PAN3: variants seen among roughly 807,000 people sequenced by gnomAD.
PAN3 encodes PAN2-PAN3 deadenylation complex subunit PAN3.
Under a neutral mutation model 96.2 loss-of-function variants are expected in PAN3, and 19 were observed. That is an observed-to-expected ratio of 0.20 (90% CI 0.14 to 0.29). The LOEUF (loss-of-function observed/expected upper bound fraction) is 0.29, where lower values mean the gene tolerates loss of function less well. PAN3 is among the 10% of genes least tolerant of loss of function. The pLI is 1.00. For synonymous variants in PAN3, 433 were observed against 406.6 expected (o/e 1.06, Z -0.78); for missense variants, 882 against 1,108.1 (o/e 0.80, Z 2.90).
chr13:28,170,699 T>C (rs1874191603), intron 1 of PAN3, among the ~76,000 whole-genome samples: 2 of 152,208 alleles, frequency 1.3e-5, no homozygotes, highest in Non-Finnish European at 2.9e-5. Context: ...CCTCTCCCCT[T>C]ATGGATTGCT....
At chr13:28,228,128 A>G (rs1882194029) in intron 6 of PAN3, among the ~76,000 whole-genome samples, 1 of 152,200 alleles carries the variant, frequency 6.6e-6, no homozygotes, top group Non-Finnish European at 1.5e-5. Flanking sequence ...TCAGTGGAGA[A>G]GATAGTATTT....
intron 1 of PAN3, among the ~76,000 whole-genome samples, chr13:28,167,082 A>ATTTTTTTTTTTTTTTTTT (rs1158467405): frequency 1.7e-5 from 2 of 118,332 alleles, no homozygotes; most frequent in Non-Finnish European, 3.6e-5. Context: ...TTTTATCTTA[A>ATTTTTTTTTTTTTTTTTT]TTTTTTTTTT....
intron 1 of PAN3, among the ~76,000 whole-genome samples, chr13:28,145,566 A>G (rs573590038): frequency 7.3e-5 from 11 of 151,302 alleles, no homozygotes; most frequent in East Asian, 4.0e-4. Context: ...ACCTCAAGCA[A>G]TCTGCTCACC....
At chr13:28,159,923 G>GT (rs1566146068) in intron 1 of PAN3, among the ~76,000 whole-genome samples, 64 of 151,610 alleles carry the variant, frequency 4.2e-4, no homozygotes, top group African/African-American at 1.5e-3. Flanking sequence ...TGAAATAAAA[G>GT]GTTTTTTTTT....
At chr13:28,147,657 A>T (rs1870847676) in intron 1 of PAN3, among the ~76,000 whole-genome samples, 2 of 152,224 alleles carry the variant, frequency 1.3e-5, no homozygotes, top group African/African-American at 4.8e-5. Flanking sequence ...ACATAGTATG[A>T]TACCACGAAT....
At chr13:28,156,440 A>C (rs974242531) in intron 1 of PAN3, among the ~76,000 whole-genome samples, 5 of 152,210 alleles carry the variant, frequency 3.3e-5, no homozygotes, top group Non-Finnish European at 7.3e-5. Context: ...GAAAAAGCCC[A>C]GGACCAAATG....
intron 1 of PAN3, among the ~76,000 whole-genome samples, chr13:28,149,070 CT>C (rs1329823918): frequency 3.3e-5 from 5 of 151,556 alleles, no homozygotes; most frequent in Non-Finnish European, 5.9e-5. Flanking sequence ...AAAAAAAACA[CT>C]GTGTGGGGTG....
intron 1 of PAN3, among the ~76,000 whole-genome samples, chr13:28,155,033 G>T (rs1871948099): frequency 6.7e-6 from 1 of 148,466 alleles, no homozygotes; most frequent in South Asian, 2.1e-4. Context: ...TTTCACCGTG[G>T]TCTCGATCTC....
chr13:28,212,488 A>G (rs1880165424), intron 5 of PAN3, among the ~76,000 whole-genome samples: 2 of 152,220 alleles, frequency 1.3e-5, no homozygotes, highest in African/African-American at 4.8e-5. Flanking sequence ...GGAGGAGGAA[A>G]GTAAGACCCA....
chr13:28,253,071 A>G (rs1267042437), intron 6 of PAN3, among the ~76,000 whole-genome samples: 2 of 152,216 alleles, frequency 1.3e-5, no homozygotes, highest in Non-Finnish European at 2.9e-5. Flanking sequence ...TCATTATTAA[A>G]AGAAGACCTT....
At chr13:28,235,260 G>T (rs2138462999) in intron 6 of PAN3, among the ~76,000 whole-genome samples, 1 of 152,244 alleles carries the variant, frequency 6.6e-6, no homozygotes, top group East Asian at 1.9e-4. Flanking sequence ...CTTTGACAAT[G>T]TAAAGGAAGT....
intron 1 of PAN3, among the ~76,000 whole-genome samples, chr13:28,165,292 T>TC (rs1483327026): frequency 6.7e-6 from 1 of 150,274 alleles, no homozygotes; most frequent in East Asian, 1.9e-4. Flanking sequence ...CCTTTTTTTT[T>TC]TTTTTTTTGT....
intron 4 of PAN3, among the ~76,000 whole-genome samples, chr13:28,182,383 C>T (rs2138144688): frequency 6.6e-6 from 1 of 152,198 alleles, no homozygotes; most frequent in South Asian, 2.1e-4. Context: ...TTCAGCTTCC[C>T]CCTACTTCTT....
chr13:28,194,765 C>T (rs1173490181), intron 4 of PAN3, among the ~76,000 whole-genome samples: 6 of 151,730 alleles, frequency 4.0e-5, no homozygotes, highest in East Asian at 1.9e-4. Flanking sequence ...CCACCGTTCC[C>T]GGCCAAATAT....
intron 15 of PAN3, among the ~76,000 whole-genome samples, chr13:28,277,861 A>G (rs554303420): frequency 3.3e-5 from 5 of 152,322 alleles, no homozygotes; most frequent in African/African-American, 9.6e-5. Flanking sequence ...ACTCTGGCCA[A>G]AATACCCATT....
At chr13:28,152,565 C>T (rs1041149679) in intron 1 of PAN3, among the ~76,000 whole-genome samples, 1 of 150,482 alleles carries the variant, frequency 6.6e-6, no homozygotes, top group Non-Finnish European at 1.5e-5. Flanking sequence ...GCTTGGGCAA[C>T]AAGAGTGAAA....
At chr13:28,283,187 T>A (rs976302086) in intron 17 of PAN3, among the ~76,000 whole-genome samples, 1 of 152,104 alleles carries the variant, frequency 6.6e-6, no homozygotes, top group Non-Finnish European at 1.5e-5. Context: ...TAGCTGGGAT[T>A]ACAGGCGCAT....
At chr13:28,195,027 A>T (rs1566176174) in intron 4 of PAN3, among the ~76,000 whole-genome samples, 3 of 151,432 alleles carry the variant, frequency 2.0e-5, no homozygotes, top group Admixed American at 6.6e-5. Context: ...GATAGCAAAT[A>T]AAAAAAAATG....
chr13:28,207,913 T>G lies in PAN3; in HGVS notation c.852+10567T>G, dbSNP rs538961545. Among the ~76,000 whole-genome samples the G allele has an allele frequency of 2.6e-5, 4 of 152,340 alleles. No homozygotes were observed. The East Asian group carries it at 5.8e-4, about 22-fold the overall frequency. ...AACACAGTGTCTATGTTTTATGTCT[T>G]TCTTCCTCACAGCGCCTAGTACACT... On this transcript the variant is annotated intron_variant, in intron 5 of 18. Transcript: ENST00000380958.
Sources: allele counts gnomAD v4.1 joint callset (sites outside exome capture counted in the v4.1 genomes callset), GRCh38; gene constraint gnomAD v4.1.1; transcripts MANE v1.5; gene names NCBI Gene and HGNC (gene_info 2026-07-23, HGNC 2026-07-21).